The following DCLK1 variants were observed in gnomAD, a reference collection of about 807,000 sequenced individuals.
DCLK1 encodes the protein serine/threonine-protein kinase DCLK1.
DCLK1 carries 16 observed loss-of-function variants against 86.2 expected under a neutral mutation model. The observed-to-expected ratio is 0.19, with a 90% CI of 0.13 to 0.28. The LOEUF is 0.28. Ranked by LOEUF, DCLK1 falls within the 10% of genes least tolerant of loss-of-function variation. The pLI is 1.00. For synonymous variants in DCLK1, 369 were observed against 370.5 expected (o/e 1.00, Z 0.05); for missense variants, 590 against 940.2 (o/e 0.63, Z 4.87).
At chr13:36,020,949 C>T (rs1035410194) in intron 3 of DCLK1, among the ~76,000 whole-genome samples, 4 of 152,062 alleles carry the variant, frequency 2.6e-5, no homozygotes, top group African/African-American at 9.7e-5. Context: ...TAACCAAGTA[C>T]ATAGGCAAAT....
intron 3 of DCLK1, among the ~76,000 whole-genome samples, chr13:36,012,187 C>T (rs1484826363): frequency 1.4e-5 from 2 of 139,146 alleles, no homozygotes; most frequent in Non-Finnish European, 1.5e-5. Flanking sequence ...ATCCAATTTG[C>T]CAGTCTGTGT....
chr13:35,786,223 C>T (rs1408531456), intron 16 of DCLK1, among the ~76,000 whole-genome samples: 2 of 152,104 alleles, frequency 1.3e-5, no homozygotes, highest in Non-Finnish European at 2.9e-5. Context: ...ATCCTTAATC[C>T]TACAAATTTA....
At chr13:35,832,645 G>C (rs1869048336) in intron 8 of DCLK1, among the ~76,000 whole-genome samples, 1 of 152,062 alleles carries the variant, frequency 6.6e-6, no homozygotes, top group South Asian at 2.1e-4. Context: ...CTCAACACTA[G>C]CAAAAAGGAG....
intron 3 of DCLK1, among the ~76,000 whole-genome samples, chr13:36,064,381 G>A (rs985109390): frequency 9.2e-5 from 14 of 152,122 alleles, no homozygotes; most frequent in Non-Finnish European, 1.0e-4. Flanking sequence ...AGGGGGTGGC[G>A]TGGGCGTGGC....
rs140896724 is a variant in DCLK1 at position 35,986,591 on chromosome 13, C to T, written c.724-39134G>A. 2.9e-3 allele frequency among the ~76,000 whole-genome samples: 444 copies of T among 152,308 alleles called. 18 individuals are homozygous for T. The East Asian group carries it at 0.062, about 21-fold the overall frequency. ...GGTATAGAAGTGATCACCTCTTTCA[C>T]ACACAAAAACCACAGCACTTTTCAC... On this transcript the variant is annotated intron_variant, in intron 3 of 16. Coordinates refer to ENST00000360631, the MANE Select transcript of DCLK1 (RefSeq NM_001330071.2).
intron 16 of DCLK1, among the ~76,000 whole-genome samples, chr13:35,782,934 G>T (rs1264184951): frequency 6.6e-6 from 1 of 152,212 alleles, no homozygotes; most frequent in Admixed American, 6.5e-5. Flanking sequence ...GCTGCTGTAG[G>T]GCAAAGGCAG....
At chr13:35,893,816 TGTTAA>T (rs917017805) in intron 4 of DCLK1, among the ~76,000 whole-genome samples, 1 of 152,214 alleles carries the variant, frequency 6.6e-6, no homozygotes, top group Non-Finnish European at 1.5e-5. Flanking sequence ...TATTTTTTAC[TGTTAA>T]GTACTTATGT....
At chr13:35,956,718 A>T (rs1878005006) in intron 3 of DCLK1, among the ~76,000 whole-genome samples, 1 of 4,402 alleles carries the variant, frequency 2.3e-4, no homozygotes, top group African/African-American at 8.3e-4. Context: ...GGGAAAAACA[A>T]AACAAAACAA....
At chr13:35,875,893 A>G (rs1054929822) in intron 4 of DCLK1, among the ~76,000 whole-genome samples, 2 of 152,196 alleles carry the variant, frequency 1.3e-5, no homozygotes, top group Admixed American at 1.3e-4. Flanking sequence ...ACTGAGTCTC[A>G]GAGAGATGAA....
At chr13:36,109,286 A>G (rs1885525261) in intron 3 of DCLK1, among the ~76,000 whole-genome samples, 1 of 152,240 alleles carries the variant, frequency 6.6e-6, no homozygotes, top group Admixed American at 6.5e-5. Flanking sequence ...ACTGCAGGGA[A>G]AAAAAGGACA....
intron 3 of DCLK1, among the ~76,000 whole-genome samples, chr13:35,981,707 G>A (rs897905838): frequency 6.6e-6 from 1 of 152,142 alleles, no homozygotes; most frequent in Non-Finnish European, 1.5e-5. Flanking sequence ...GGACACTTGG[G>A]TTGCTCCCAC....
chr13:35,956,759 T>C (rs1878007664), intron 3 of DCLK1, among the ~76,000 whole-genome samples: 2 of 28,242 alleles, frequency 7.1e-5, no homozygotes, highest in African/African-American at 2.7e-4. Context: ...AACTGGATCA[T>C]AAATGCCCTG....
chr13:36,007,081 T>C (rs2153146977), intron 3 of DCLK1, among the ~76,000 whole-genome samples: 1 of 152,234 alleles, frequency 6.6e-6, no homozygotes, highest in African/African-American at 2.4e-5. Flanking sequence ...GAGGAGAGTG[T>C]GCCCAGAGGC....
At chr13:35,859,043 C>G (rs1871239514) in intron 5 of DCLK1, among the ~76,000 whole-genome samples, 1 of 152,042 alleles carries the variant, frequency 6.6e-6, no homozygotes. Context: ...GGTTTTTACT[C>G]TGTAATGCCA....
intron 6 of DCLK1, chr13:35,848,106 C>A (rs1401868852): frequency 2.0e-6 from 2 of 985,182 alleles, no homozygotes; most frequent in African/African-American, 3.5e-5. Flanking sequence ...CTTTGAACTA[C>A]AGCACGATGT....
At chr13:36,017,459 C>G (rs1333989941) in intron 3 of DCLK1, among the ~76,000 whole-genome samples, 1 of 152,290 alleles carries the variant, frequency 6.6e-6, no homozygotes, top group Middle Eastern at 3.4e-3. Context: ...TTCTGGGAAA[C>G]CAGAATTCTC....
chr13:35,834,343 T>C (rs562110519), intron 8 of DCLK1, among the ~76,000 whole-genome samples: 6 of 152,292 alleles, frequency 3.9e-5, no homozygotes, highest in South Asian at 2.1e-4. Context: ...GGAACGTGTG[T>C]GATTTTGGCT....
At chr13:35,848,348 A>G in intron 6 of DCLK1, 1 of 985,082 alleles carries the variant, frequency 1.0e-6, no homozygotes, top group Non-Finnish European at 1.2e-6. Context: ...GTTTAATAGA[A>G]TTATGTTTTG....
chr13:36,124,077 C>T (rs191198510), intron 2 of DCLK1, among the ~76,000 whole-genome samples: 3 of 152,304 alleles, frequency 2.0e-5, no homozygotes, highest in African/African-American at 7.2e-5. Context: ...AGGTGTCAAC[C>T]CATGGCTGTC....
Sources: allele counts gnomAD v4.1 joint callset (sites outside exome capture counted in the v4.1 genomes callset), GRCh38; gene constraint gnomAD v4.1.1; transcripts MANE v1.5; gene names NCBI Gene and HGNC (gene_info 2026-07-23, HGNC 2026-07-21).